Variants in GRIA1 observed in about 807,000 individuals in gnomAD.
GRIA1 encodes glutamate receptor 1.
In GRIA1, 31 loss-of-function variants were observed where a neutral mutation model predicts 99.2. That is an observed-to-expected ratio of 0.31 (90% CI 0.23 to 0.42). The LOEUF is 0.42. Among genes scored for constraint, GRIA1 ranks in the 10% least tolerant of loss-of-function variants. The probability of loss-of-function intolerance (pLI) is 1.00; values close to 1 mark genes in which losing one functional copy is unlikely to be tolerated. For missense variants in GRIA1, 782 were observed against 1,157.5 expected (o/e 0.68, Z 4.71); for synonymous variants, 438 against 432.4 (o/e 1.01, Z -0.16).
In GRIA1 at chr5:153,698,166, G is replaced by C. The variant is rs377137171; in HGVS notation, c.1245+12G>C. Reference sequence around the variant, plus strand: ...TCACAACAATCCTAGTGAGTACTCAGTCCTTCATCAAGGTTACTTGGGATT... The same window carrying C: ...TCACAACAATCCTAGTGAGTACTCACTCCTTCATCAAGGTTACTTGGGATT... On this transcript the variant is annotated intron_variant, in intron 9 of 15. Transcript: ENST00000285900. 1.0e-5 allele frequency: 14 copies of C among 1,387,726 alleles called. No individual in the cohort carries two copies. In the African/African-American group the frequency reaches 2.0e-4, roughly 20 times the overall value. The allele number at this position is 1,387,726 out of a possible 1,614,324, so 86.0% of individuals were successfully genotyped here.
intron 11 of GRIA1, among the ~76,000 whole-genome samples, chr5:153,724,705 T>C (rs1581542419): frequency 6.6e-6 from 1 of 152,118 alleles, no homozygotes; most frequent in South Asian, 2.1e-4. Context: ...GAAAAAAGAA[T>C]AAAAAGAAAT....
At chr5:153,496,871 C>A (rs1302084564) in intron 2 of GRIA1, among the ~76,000 whole-genome samples, 2 of 152,012 alleles carry the variant, frequency 1.3e-5, no homozygotes, top group Non-Finnish European at 1.5e-5. Context: ...AGAAAATGAC[C>A]AAATTTTATT....
upstream of GRIA1, chr5:153,490,504 C>A: frequency 4.0e-6 from 1 of 248,908 alleles, no homozygotes; most frequent in Non-Finnish European, 7.8e-6. Flanking sequence ...GAACTCCAAG[C>A]TAGCTCGGTG....
intron 2 of GRIA1, among the ~76,000 whole-genome samples, chr5:153,629,069 C>T (rs1342008943): frequency 1.3e-5 from 2 of 152,204 alleles, no homozygotes; most frequent in African/African-American, 2.4e-5. Context: ...TACAGAGAGA[C>T]AGGCAGGGGT....
intron 10 of GRIA1, among the ~76,000 whole-genome samples, chr5:153,702,719 T>G (rs1017056445): frequency 2.0e-5 from 3 of 152,182 alleles, no homozygotes; most frequent in Non-Finnish European, 4.4e-5. Context: ...CTCTGGCGTG[T>G]GTGTCTTTAA....
chr5:153,686,201 C>G, intron 7 of GRIA1, 24 bp from the exon 8 acceptor site: 1 of 1,543,012 alleles, frequency 6.5e-7, no homozygotes, highest in Admixed American at 1.7e-5. Flanking sequence ...AGTTCACTGC[C>G]CACCACTTGG....
intron 2 of GRIA1, among the ~76,000 whole-genome samples, chr5:153,519,918 A>G (rs965516563): frequency 9.9e-5 from 15 of 152,252 alleles, no homozygotes; most frequent in Middle Eastern, 3.4e-3. Flanking sequence ...TCCCTTAAAA[A>G]TCTCTCCAGT....
chr5:153,771,393 C>T (rs569450020), intron 13 of GRIA1, among the ~76,000 whole-genome samples: 2 of 152,290 alleles, frequency 1.3e-5, no homozygotes, highest in Admixed American at 6.5e-5. Flanking sequence ...GATATGACAT[C>T]TGGGTCTACC....
chr5:153,633,746 C>T (rs1247538850), intron 2 of GRIA1, among the ~76,000 whole-genome samples: 1 of 152,156 alleles, frequency 6.6e-6, no homozygotes, highest in Non-Finnish European at 1.5e-5. Context: ...TGACTAAGTT[C>T]ATATAAAGAA....
chr5:153,580,685 T>A (rs1406610468), intron 2 of GRIA1, among the ~76,000 whole-genome samples: 1 of 152,214 alleles, frequency 6.6e-6, no homozygotes, highest in Admixed American at 6.5e-5. Context: ...CTCATTAATA[T>A]TACACTCTGG....
chr5:153,804,732 A>AATTAATTTATTT (rs1446385758), intron 15 of GRIA1, among the ~76,000 whole-genome samples: 4 of 76,086 alleles, frequency 5.3e-5, no homozygotes, highest in African/African-American at 2.5e-4. Flanking sequence ...TTAATTAATT[A>AATTAATTTATTT]ATTTATTTAT....
intron 2 of GRIA1, among the ~76,000 whole-genome samples, chr5:153,550,801 G>C (rs1215392355): frequency 6.6e-6 from 1 of 152,152 alleles, no homozygotes; most frequent in African/African-American, 2.4e-5. Context: ...TGGACGGCTT[G>C]AGAAAGCACA....
At chr5:153,728,425 C>T (rs1760738356) in intron 11 of GRIA1, among the ~76,000 whole-genome samples, 1 of 143,742 alleles carries the variant, frequency 7.0e-6, no homozygotes, top group African/African-American at 2.6e-5. Flanking sequence ...GCAAAAGAAA[C>T]TACCATCAGA....
intron 10 of GRIA1, among the ~76,000 whole-genome samples, chr5:153,705,434 C>T (rs2149520508): frequency 6.6e-6 from 1 of 152,244 alleles, no homozygotes; most frequent in Admixed American, 6.5e-5. Context: ...ACAACAGCTT[C>T]CTTCTTGTAG....
chr5:153,701,624 A>AAAAAAAAAAAAAAAAAAAAC, intron 10 of GRIA1, among the ~76,000 whole-genome samples: 1 of 144,422 alleles, frequency 6.9e-6, no homozygotes, highest in Non-Finnish European at 1.5e-5. Flanking sequence ...CGTCTCAAAA[A>AAAAAAAAAAAAAAAAAAAAC]AAAAAAAAAA....
intron 14 of GRIA1, 98 bp downstream of exon 14, chr5:153,794,833 C>T: frequency 4.3e-6 from 3 of 705,670 alleles, no homozygotes; most frequent in Non-Finnish European, 7.4e-6. Context: ...CTTCCTAATA[C>T]TAAAAAGAAA....
At chr5:153,599,965 G>C (rs1174252725) in intron 2 of GRIA1, among the ~76,000 whole-genome samples, 1 of 152,134 alleles carries the variant, frequency 6.6e-6, no homozygotes, top group Non-Finnish European at 1.5e-5. Flanking sequence ...CTGTCGGCTT[G>C]ACTAAAGTGT....
At chr5:153,543,620 G>A (rs80222637) in intron 2 of GRIA1, among the ~76,000 whole-genome samples, 6,471 of 152,012 alleles carry the variant, frequency 0.043, 185 homozygotes, top group East Asian at 0.086. Flanking sequence ...AGGGAGGGAG[G>A]AATTTACTTG....
intron 2 of GRIA1, among the ~76,000 whole-genome samples, chr5:153,594,080 T>C (rs896795968): frequency 1.3e-5 from 2 of 152,256 alleles, no homozygotes; most frequent in African/African-American, 2.4e-5. Context: ...AAAAGTCCAA[T>C]GTTATTCTGC....
Sources: gnomAD v4.1 joint callset for allele counts (sites outside exome capture counted in the v4.1 genomes callset) on GRCh38, gnomAD v4.1.1 for gene constraint, MANE v1.5 for transcripts, NCBI Gene and HGNC (gene_info 2026-07-23, HGNC 2026-07-21) for gene names.